The following NDUFS1 variants were observed in gnomAD, a reference collection of about 807,000 sequenced individuals.
NDUFS1 encodes NADH:ubiquinone oxidoreductase core subunit S1.
In NDUFS1, 61 loss-of-function variants were observed where a neutral mutation model predicts 84.4. The ratio of observed to expected loss-of-function variants is 0.72; its 90% CI spans 0.59 to 0.89. NDUFS1 has a LOEUF of 0.89. Among genes scored for constraint, NDUFS1 ranks in the 40% least tolerant of loss-of-function variants. The probability of loss-of-function intolerance (pLI) is 0.00; values close to 1 mark genes in which losing one functional copy is unlikely to be tolerated. For synonymous variants in NDUFS1, 275 were observed against 290.0 expected, an observed-to-expected ratio of 0.95 and a Z score of 0.53; for missense variants, 891 against 890.0, an observed-to-expected ratio of 1.00 and a Z score of -0.01.
chr2:206,133,685 G>A (rs1251644286), intron 13 of NDUFS1, among the ~76,000 whole-genome samples: 1 of 152,144 alleles, frequency 6.6e-6, no homozygotes, highest in Non-Finnish European at 1.5e-5. Flanking sequence ...CAAATAAGAT[G>A]TAAAGTTATA....
At position 206,123,129 on chromosome 2, in the gene NDUFS1, A is replaced by G. The variant is rs1304230278; in HGVS notation, c.*1056T>C. ...TTTTTTTAAATTCTCAGTGATCCTT[A>G]TTCTGATTCCTTTTGGTTTTGACAA... is the stretch of plus-strand genomic sequence containing the variant. On this transcript the variant is annotated 3_prime_UTR_variant, in exon 19 of 19. Coordinates refer to ENST00000233190, the MANE Select transcript of NDUFS1 (RefSeq NM_005006.7). 1 of 151,976 alleles carries G rather than the reference A, an allele frequency of 6.6e-6. No homozygotes were observed. The highest frequency in any genetic ancestry group is 1.9e-4 in the East Asian group (1 of 5,196). The allele number at this position is 151,976 out of a possible 1,614,324, so 9.4% of individuals were successfully genotyped here.
In NDUFS1 at chr2:206,146,746, T is replaced by C. The variant is rs144729369; in HGVS notation, c.737+157A>G. Among the ~76,000 whole-genome samples, 331 of 152,292 alleles carry C rather than the reference T, an allele frequency of 2.2e-3. 1 individual carries two copies. Among genetic ancestry groups the C allele is most frequent in the Non-Finnish European group, 3.7e-3 (252 of 68,038 alleles). On this transcript the variant is annotated intron_variant, in intron 8 of 18. Transcript: ENST00000233190. ...AGTTAATTTGCACAGGTTCAATCCATTCTAACTACTTACCTTCTATTTAAA... is the reference window on the plus strand; with the variant it reads ...AGTTAATTTGCACAGGTTCAATCCACTCTAACTACTTACCTTCTATTTAAA...
intron 1 of NDUFS1, chr2:206,158,973 G>A (rs1224671912): frequency 1.3e-5 from 13 of 1,034,148 alleles, no homozygotes; most frequent in Admixed American, 2.2e-5. Flanking sequence ...GGGGGGAAAG[G>A]CTTAGTCTTA....
rs568965659 is a variant in NDUFS1, at chr2:206,149,933, TAAAAAAAAA to T, written c.154-17_154-9del. The T allele has an allele frequency of 2.8e-4, 167 of 603,872 alleles. No homozygotes were observed. Among genetic ancestry groups the T allele is most frequent in the Non-Finnish European group, 3.0e-4 (113 of 379,790 alleles). The allele number at this position is 603,872 out of a possible 1,614,324, so 37.4% of individuals were successfully genotyped here. On this transcript the variant is annotated splice_polypyrimidine_tract_variant and intron_variant, in intron 3 of 18. Transcript: ENST00000233190. Reference sequence around the variant, plus strand: ...GCCAACCTTCTCACAAGCCTAGAAGTAAAAAAAAAAAAAAAAAAAAAAAAAGCATTAGAA... The same window carrying T: ...GCCAACCTTCTCACAAGCCTAGAAGTAAAAAAAAAAAAAAAAGCATTAGAA...
chr2:206,152,606 T>C, intron 2 of NDUFS1, 96 bp from the exon 3 acceptor site: 1 of 1,048,646 alleles, frequency 9.5e-7, no homozygotes, highest in South Asian at 1.3e-5. Flanking sequence ...CCTAAAATTT[T>C]TCATTCCTTA....
rs1381110867 is a variant in NDUFS1 at position 206,115,246 on chromosome 2, T to C, written c.*8939A>G. On this transcript the variant is annotated 3_prime_UTR_variant, in exon 19 of 19. Coordinates refer to ENST00000233190, the MANE Select transcript of NDUFS1 (RefSeq NM_005006.7). ...TGAATTTATTTTGCATGTGAGGACA[T>C]GAATCTGGGGAGCCCAAGGTGTGGA... 1 of 152,284 alleles carries C rather than the reference T, an allele frequency of 6.6e-6. No individual in the cohort carries two copies. Among genetic ancestry groups the C allele is most frequent in the African/African-American group, 2.4e-5 (1 of 41,466 alleles). 9.4% of individuals were successfully genotyped at this position (152,284 alleles called of 1,614,324 possible).
chr2:206,116,998 G>A lies in NDUFS1; in HGVS notation c.*7187C>T, dbSNP rs1690963350. 3 of 151,946 alleles carry A rather than the reference G, an allele frequency of 2.0e-5. No homozygotes were observed. The highest frequency in any genetic ancestry group is 4.8e-5 in the African/African-American group (2 of 41,308). The allele number at this position is 151,946 out of a possible 1,614,324, so 9.4% of individuals were successfully genotyped here. The stretch of plus-strand genomic sequence containing the variant: ...TGTGCCACTGCACTTCAGCCTGGGC[G>A]ACAAACTGAGACTCCGTCTCAGAAA... On this transcript the variant is annotated 3_prime_UTR_variant, in exon 19 of 19. Transcript: ENST00000233190.
In NDUFS1 at chr2:206,138,465, T is replaced by G; in HGVS notation, c.1392+20A>C. On this transcript the variant is annotated intron_variant, in intron 13 of 18. Transcript: ENST00000233190. ...ATAATTAAAAATCAACAAGAGTAGA[T>G]ACACATAAGTTGAGAGCACCTGGCT... 6.2e-7 allele frequency: 1 copy of G among 1,609,282 alleles called. No individual in the cohort carries two copies. The highest frequency in any genetic ancestry group is 8.5e-7 in the Non-Finnish European group (1 of 1,175,724).
At position 206,119,881 on chromosome 2, in the gene NDUFS1, TC is replaced by T. The variant is rs1419059171; in HGVS notation, c.*4303del. The T allele has an allele frequency of 6.6e-6, 1 of 152,130 alleles. No individual in the cohort carries two copies. The highest frequency in any genetic ancestry group is 2.4e-5 in the African/African-American group (1 of 41,436). 9.4% of individuals were successfully genotyped at this position (152,130 alleles called of 1,614,324 possible). On this transcript the variant is annotated 3_prime_UTR_variant, in exon 19 of 19. Coordinates refer to ENST00000233190, the MANE Select transcript of NDUFS1 (RefSeq NM_005006.7). ...TGATATGGTTTGGATGGCTGTCACTTCCAAATCTCATGTTGAAATGTAACCC... is the reference window on the plus strand; with the variant it reads ...TGATATGGTTTGGATGGCTGTCACTTCAAATCTCATGTTGAAATGTAACCC...
At chr2:206,142,207 ATTTCAGATACTTATTTT>A (rs1691989813) in intron 11 of NDUFS1, 138 bp from the exon 12 acceptor site, 3 of 754,184 alleles carry the variant, frequency 4.0e-6, no homozygotes, top group Non-Finnish European at 6.7e-6. Flanking sequence ...TTAAATGAAC[ATTTCAGATACTTATTTT>A]TTTTCTCAGA....
chr2:206,158,991 A>T, intron 1 of NDUFS1: 1 of 1,257,632 alleles, frequency 8.0e-7, no homozygotes, highest in Non-Finnish European at 1.1e-6. Context: ...TTAAGGCCTA[A>T]GTCATCGGAC....
chr2:206,155,882 G>GT (rs375807387), intron 1 of NDUFS1, among the ~76,000 whole-genome samples: 216 of 145,304 alleles, frequency 1.5e-3, no homozygotes, highest in Middle Eastern at 3.5e-3. Flanking sequence ...AACTTTTTGA[G>GT]TTTTTTTTTT....
At chr2:206,140,426 C>T (rs548820625) in intron 12 of NDUFS1, among the ~76,000 whole-genome samples, 2 of 152,184 alleles carry the variant, frequency 1.3e-5, no homozygotes, top group South Asian at 4.1e-4. Context: ...ATTGCTTGAA[C>T]CCAGGAGGCA....
At chr2:206,139,739 G>C (rs1406982903) in intron 12 of NDUFS1, among the ~76,000 whole-genome samples, 1 of 150,328 alleles carries the variant, frequency 6.7e-6, no homozygotes, top group Non-Finnish European at 1.5e-5. Context: ...CTGTTATCCT[G>C]ATGTAATTAT....
intron 1 of NDUFS1, among the ~76,000 whole-genome samples, chr2:206,156,060 G>A (rs1358849314): frequency 2.7e-5 from 4 of 150,426 alleles, no homozygotes; most frequent in African/African-American, 4.9e-5. Context: ...TCAAGAGATC[G>A]AAACCATCCT....
chr2:206,145,874 C>T (rs1017254652), intron 8 of NDUFS1, among the ~76,000 whole-genome samples: 3 of 152,062 alleles, frequency 2.0e-5, no homozygotes, highest in East Asian at 1.9e-4. Context: ...TGGAGGTCAT[C>T]GTAGCTGAGG....
chr2:206,142,922 C>G lies in NDUFS1; in HGVS notation c.988-91G>C, dbSNP rs7577536. On this transcript the variant is annotated intron_variant, in intron 10 of 18. Coordinates refer to ENST00000233190, the MANE Select transcript of NDUFS1 (RefSeq NM_005006.7). The stretch of plus-strand genomic sequence containing the variant: ...CAGAAAATAAAACAGTACTTGTTTT[C>G]AAGTACAAAAAAAGTTAACAGACTT... The G allele has an allele frequency of 4.5e-3, 6,840 of 1,526,536 alleles. 269 individuals are homozygous for G. In the African/African-American group the frequency reaches 0.085, roughly 19 times the overall value. The allele number at this position is 1,526,536 out of a possible 1,614,324, so 94.6% of individuals were successfully genotyped here.
intron 13 of NDUFS1, among the ~76,000 whole-genome samples, chr2:206,134,916 A>C (rs1439710602): frequency 6.6e-6 from 1 of 152,066 alleles, no homozygotes; most frequent in East Asian, 1.9e-4. Flanking sequence ...GTTTGAGGCT[A>C]CAGTCAGCTA....
In NDUFS1 at chr2:206,142,814, G is replaced by T; in HGVS notation, c.1005C>A (p.Gly335=). 6.2e-7 allele frequency: 1 copy of T among 1,614,052 alleles called. No individual in the cohort carries two copies. Among genetic ancestry groups the T allele is most frequent in the East Asian group, 2.2e-5 (1 of 44,878 alleles). ...CACCTGCAATTGCTGCCACATCTTT[G>T]CCTTGAAAACTCTGCAACTAGAAAC... ...RVAGMLQSFQ[G]KDVAAIAGGL... The change falls in exon 11 of 19, where the codon GGC becomes GGA. Residue 335 remains glycine (G), a synonymous_variant. Coordinates refer to ENST00000233190, the MANE Select transcript of NDUFS1 (RefSeq NM_005006.7).
Sources: allele counts gnomAD v4.1 joint callset (sites outside exome capture counted in the v4.1 genomes callset), GRCh38; gene constraint gnomAD v4.1.1; transcripts MANE v1.5; gene names NCBI Gene and HGNC (gene_info 2026-07-23, HGNC 2026-07-21).